ZNF845: variants seen among roughly 807,000 people sequenced by gnomAD.
ZNF845 encodes zinc finger protein 845.
ZNF845 carries 59 observed loss-of-function variants against 76.1 expected under a neutral mutation model. The ratio of observed to expected loss-of-function variants is 0.78; its 90% CI spans 0.63 to 0.96. The LOEUF (loss-of-function observed/expected upper bound fraction) is 0.96, where lower values mean the gene tolerates loss of function less well. ZNF845 is among the 40% of genes least tolerant of loss of function. The probability of loss-of-function intolerance (pLI) is 0.00; values close to 1 mark genes in which losing one functional copy is unlikely to be tolerated. For synonymous variants in ZNF845, 361 were observed against 386.9 expected, an observed-to-expected ratio of 0.93 and a Z score of 0.78; for missense variants, 1,045 against 1,172.8, an observed-to-expected ratio of 0.89 and a Z score of 1.59.
At chr19:53,350,719 G>GT in intron 3 of ZNF845, 99 bp from the exon 4 acceptor site, 1 of 1,456,224 alleles carries the variant, frequency 6.9e-7, no homozygotes, top group Non-Finnish European at 9.2e-7. Flanking sequence ...TGTTTGGGAA[G>GT]TTTAAAATAA....
At chr19:53,338,594 G>A (rs1293576332) in intron 1 of ZNF845, among the ~76,000 whole-genome samples, 1 of 144,738 alleles carries the variant, frequency 6.9e-6, no homozygotes, top group Non-Finnish European at 1.5e-5. Flanking sequence ...AATCAAGAGT[G>A]CAAACAGCAC....
At chr19:53,342,204 T>A (rs1278132124) in intron 2 of ZNF845, among the ~76,000 whole-genome samples, 1 of 151,862 alleles carries the variant, frequency 6.6e-6, no homozygotes, top group Non-Finnish European at 1.5e-5. Flanking sequence ...AACCTCCACC[T>A]CCCGGGTTCA....
At chr19:53,337,785 C>T (rs556741062) in intron 1 of ZNF845, among the ~76,000 whole-genome samples, 11 of 152,008 alleles carry the variant, frequency 7.2e-5, no homozygotes, top group South Asian at 2.1e-4. Flanking sequence ...AGGCTGGTCT[C>T]GAACTCCAGA....
At chr19:53,343,483 A>T (rs1261145403) in intron 2 of ZNF845, among the ~76,000 whole-genome samples, 1 of 152,116 alleles carries the variant, frequency 6.6e-6, no homozygotes, top group Non-Finnish European at 1.5e-5. Context: ...GTTTTCTTAG[A>T]TCTGACAAGA....
chr19:53,347,873 G>A (rs2085307631), intron 3 of ZNF845, among the ~76,000 whole-genome samples: 1 of 152,080 alleles, frequency 6.6e-6, no homozygotes, highest in Admixed American at 6.6e-5. Context: ...CCAACATGGT[G>A]AAACATGAAA....
chr19:53,348,529 A>G (rs2085311950), intron 3 of ZNF845, among the ~76,000 whole-genome samples: 1 of 152,182 alleles, frequency 6.6e-6, no homozygotes, highest in Admixed American at 6.5e-5. Flanking sequence ...CCCATGACCA[A>G]ATTCTCTCAA....
At chr19:53,338,847 A>C (rs2085235980) in intron 1 of ZNF845, among the ~76,000 whole-genome samples, 1 of 151,674 alleles carries the variant, frequency 6.6e-6, no homozygotes, top group Non-Finnish European at 1.5e-5. Context: ...TTGGGAGGCT[A>C]AGGCAGGCAG....
intron 3 of ZNF845, among the ~76,000 whole-genome samples, chr19:53,346,616 G>A (rs4803092): frequency 0.84 from 128,401 of 152,222 alleles, 54,380 homozygotes; most frequent in Non-Finnish European, 0.89. Context: ...GGGAGGCGGA[G>A]GTTGCAGTGA....
rs569297078 is a variant in ZNF845, at chr19:53,340,948, A to G, written c.-73-287A>G. On this transcript the variant is annotated intron_variant, in intron 1 of 3. Transcript: ENST00000458035. The stretch of plus-strand genomic sequence containing the variant: ...CAGGTGCAAACACCCCTCCTTCCCC[A>G]GGTCTCTGTTCTGATATCACCTTCT... The G allele has an allele frequency of 3.8e-5, 15 of 393,856 alleles. No homozygotes were observed. In the South Asian group the frequency reaches 1.3e-3, roughly 33 times the overall value. 24.4% of individuals were successfully genotyped at this position (393,856 alleles called of 1,614,324 possible).
At chr19:53,340,774 C>T (rs949887494) in intron 1 of ZNF845, 6 of 318,876 alleles carry the variant, frequency 1.9e-5, no homozygotes, top group Non-Finnish European at 3.4e-5. Context: ...CTCCCAGGTC[C>T]TCTCTGACCT....
In ZNF845 at chr19:53,341,275, CGGAAGA is replaced by C. The variant is rs1568734858; in HGVS notation, c.-22_-17del. 1.9e-6 allele frequency: 3 copies of C among 1,613,488 alleles called. No homozygotes were observed. Among genetic ancestry groups the C allele is most frequent in the Non-Finnish European group, 2.5e-6 (3 of 1,179,676 alleles). On this transcript the variant is annotated 5_prime_UTR_variant, in exon 2 of 4. Transcript: ENST00000458035. The stretch of plus-strand genomic sequence containing the variant: ...ACTCTTGGTACGTGAGGAAGAAACC[CGGAAGA>C]GGAAGAGGAAAGCAAAGGAGTCAGG...
Position 53,352,558 on chromosome 19 carries a change from C to G in ZNF845, c.1883C>G (p.Thr628Ser). ...TCATACCTTGCAGTTCATTGGCGAA[C>G]TCATAGTGGAGAGAAACCTTACAAA... ...HRSYLAVHWR[T>S]HSGEKPYKCE... The change falls in exon 4 of 4, where the codon ACT becomes AGT. Residue 628 changes from threonine to serine, a missense_variant. By Grantham distance (58) the Thr-to-Ser change is moderately conservative (BLOSUM62 1). Coordinates refer to ENST00000458035, the MANE Select transcript of ZNF845 (RefSeq NM_138374.3). 8.7e-6 allele frequency: 14 copies of G among 1,608,104 alleles called. No homozygotes were observed. The highest frequency in any genetic ancestry group is 1.2e-5 in the Non-Finnish European group (14 of 1,177,174).
At chr19:53,340,996 C>T (rs994150226) in intron 1 of ZNF845, 9 of 474,036 alleles carry the variant, frequency 1.9e-5, no homozygotes, top group Non-Finnish European at 3.4e-5. Flanking sequence ...CTGTGACCCA[C>T]CTCCCATTTC....
chr19:53,349,327 C>T (rs1041321132), intron 3 of ZNF845, among the ~76,000 whole-genome samples: 5 of 151,994 alleles, frequency 3.3e-5, no homozygotes, highest in East Asian at 1.9e-4. Context: ...CAGAGTGGCG[C>T]GATCTCGGCT....
Position 53,354,012 on chromosome 19 carries a change from A to T in ZNF845, c.*424A>T. The T allele has an allele frequency of 4.1e-6, 2 of 483,390 alleles. No homozygotes were observed. Among genetic ancestry groups the T allele is most frequent in the South Asian group, 3.7e-5 (2 of 53,428 alleles). The allele number at this position is 483,390 out of a possible 1,614,324, so 29.9% of individuals were successfully genotyped here. A position where few individuals can be genotyped will look rare whatever the true frequency, so the allele number is the denominator to read the frequency against. ...GCTGGAGAGAAACCTTACAAATGTC[A>T]TGATTGTGGCAAGGTCTTCAGTCTA... is the stretch of plus-strand genomic sequence containing the variant. On this transcript the variant is annotated 3_prime_UTR_variant, in exon 4 of 4. Coordinates refer to ENST00000458035, the MANE Select transcript of ZNF845 (RefSeq NM_138374.3).
At chr19:53,336,633 C>CTTTTTTTTTTTTTTTTTTTT (rs398035035) in intron 1 of ZNF845, among the ~76,000 whole-genome samples, 2 of 92,448 alleles carry the variant, frequency 2.2e-5, no homozygotes, top group African/African-American at 4.6e-5. Flanking sequence ...TTCTTTCTTT[C>CTTTTTTTTTTTTTTTTTTTT]TTTTTTTTTT....
At chr19:53,341,374 TG>T (rs2085255776) in intron 2 of ZNF845, 52 bp downstream of exon 2, 1 of 1,611,978 alleles carries the variant, frequency 6.2e-7, no homozygotes, top group Non-Finnish European at 8.5e-7. Context: ...TCAGAAATCC[TG>T]GGCCTTGGAG....
intron 2 of ZNF845, 50 bp from the exon 3 acceptor site, chr19:53,345,456 G>T: frequency 2.5e-6 from 4 of 1,613,020 alleles, no homozygotes; most frequent in Non-Finnish European, 3.4e-6. Flanking sequence ...TTCGTGTAAA[G>T]ATAAGAACTC....
At chr19:53,348,065 C>G (rs904656357) in intron 3 of ZNF845, among the ~76,000 whole-genome samples, 2 of 152,150 alleles carry the variant, frequency 1.3e-5, no homozygotes, top group African/African-American at 4.8e-5. Context: ...TGGCGGGCAC[C>G]TGTTATCCCA....
Sources: gnomAD v4.1 joint callset for allele counts (sites outside exome capture counted in the v4.1 genomes callset) on GRCh38, gnomAD v4.1.1 for gene constraint, MANE v1.5 for transcripts, NCBI Gene and HGNC (gene_info 2026-07-23, HGNC 2026-07-21) for gene names.